PHF12: variants seen among roughly 807,000 people sequenced by gnomAD.
The protein encoded by PHF12 is PHD finger protein 12, also known as PHD factor 1.
PHF12 carries 6 observed loss-of-function variants against 99.8 expected under a neutral mutation model. The observed-to-expected ratio is 0.06, with a 90% CI of 0.03 to 0.12. The LOEUF (loss-of-function observed/expected upper bound fraction) is 0.12. PHF12 is among the 10% of genes least tolerant of loss of function. PHF12 has a pLI of 1.00. For synonymous variants in PHF12, 480 were observed against 514.9 expected (o/e 0.93, Z 0.92); for missense variants, 954 against 1,300.1 (o/e 0.73, Z 4.09).
Position 28,950,537 on chromosome 17 carries a change from G to A in PHF12, c.67-291C>T. On this transcript the variant is annotated intron_variant, in intron 1 of 14. Coordinates refer to ENST00000332830, the MANE Select transcript of PHF12 (RefSeq NM_001033561.2). This position sits in a 1 kb window ranked among gnomAD's most constrained non-coding sequence, Gnocchi z 5.7. ...CTTGCCACTTCCTTGTATGGACAGT[G>A]GGGGACTCCAAAGACCCGCTCGGGA... 1 of 537,650 alleles carries A rather than the reference G, an allele frequency of 1.9e-6. No individual in the cohort carries two copies. The highest frequency in any genetic ancestry group is 3.3e-6 in the Non-Finnish European group (1 of 303,124). The allele number at this position is 537,650 out of a possible 1,614,324, so 33.3% of individuals were successfully genotyped here. A position where few individuals can be genotyped will look rare whatever the true frequency, so the allele number is the denominator to read the frequency against.
intron 2 of PHF12, among the ~76,000 whole-genome samples, chr17:28,947,364 T>C (rs957462815): frequency 6.6e-6 from 1 of 152,020 alleles, no homozygotes; most frequent in African/African-American, 2.4e-5. Flanking sequence ...ATTGAGTTAA[T>C]AAAATACTTC....
In PHF12 at chr17:28,951,123, C is replaced by G; in HGVS notation, c.-163G>C. The G allele has an allele frequency of 1.4e-6, 2 of 1,442,776 alleles. No individual in the cohort carries two copies. The highest frequency in any genetic ancestry group is 1.8e-6 in the Non-Finnish European group (2 of 1,100,078). The allele number at this position is 1,442,776 out of a possible 1,614,324, so 89.4% of individuals were successfully genotyped here. ...TCCCCCCCACCCCCCGGCCCCCAGT[C>G]CCCGGGACGACAGCGTCCTCCCGAC... On this transcript the variant is annotated 5_prime_UTR_variant, in exon 1 of 15. Transcript: ENST00000332830.
In PHF12 at chr17:28,949,146, T is replaced by C. The variant is rs944923253; in HGVS notation, c.248+919A>G. Among the ~76,000 whole-genome samples the C allele has an allele frequency of 2.0e-5, 3 of 152,122 alleles. No individual in the cohort carries two copies. Among genetic ancestry groups the C allele is most frequent in the African/African-American group, 2.4e-5 (1 of 41,438 alleles). Reference sequence around the variant, plus strand: ...TTTCCAGCTCTCAGCTCCTTAAAAATGCCTTTCTAGTGCCACCGCACACAA... The same window carrying C: ...TTTCCAGCTCTCAGCTCCTTAAAAACGCCTTTCTAGTGCCACCGCACACAA... On this transcript the variant is annotated intron_variant, in intron 2 of 14. Coordinates refer to ENST00000332830, the MANE Select transcript of PHF12 (RefSeq NM_001033561.2). The surrounding 1 kb of genome is among the most constrained non-coding windows in gnomAD (Gnocchi z 4.6).
chr17:28,941,492 A>T (rs181118466), intron 2 of PHF12, among the ~76,000 whole-genome samples: 1 of 152,224 alleles, frequency 6.6e-6, no homozygotes, highest in East Asian at 1.9e-4. Context: ...ATACAAATAC[A>T]CAGGTGAGTT....
rs2040776198 is a variant in PHF12 at position 28,949,736 on chromosome 17, GC to G, written c.248+328del. ...CGCGCGGGCAGGCAAGCGGCACTGG[GC>G]CCGGAGCTCCTCCCCTTCCTCCCCC... is the stretch of plus-strand genomic sequence containing the variant. On this transcript the variant is annotated intron_variant, in intron 2 of 14. Coordinates refer to ENST00000332830, the MANE Select transcript of PHF12 (RefSeq NM_001033561.2). The surrounding 1 kb of genome is among the most constrained non-coding windows in gnomAD (Gnocchi z 4.6). 4.5e-6 allele frequency: 1 copy of G among 222,018 alleles called. No homozygotes were observed. The highest frequency in any genetic ancestry group is 8.9e-6 in the Non-Finnish European group (1 of 112,764). 13.8% of individuals were successfully genotyped at this position (222,018 alleles called of 1,614,324 possible).
At position 28,949,993 on chromosome 17, in the gene PHF12, G is replaced by C. The variant is rs1025600256; in HGVS notation, c.248+72C>G. 4 of 1,447,690 alleles carry C rather than the reference G, an allele frequency of 2.8e-6. No homozygotes were observed. Among genetic ancestry groups the C allele is most frequent in the Non-Finnish European group, 3.7e-6 (4 of 1,086,604 alleles). The allele number at this position is 1,447,690 out of a possible 1,614,324, so 89.7% of individuals were successfully genotyped here. On this transcript the variant is annotated intron_variant, in intron 2 of 14. Transcript: ENST00000332830. The surrounding 1 kb of genome is among the most constrained non-coding windows in gnomAD (Gnocchi z 4.6). ...CAAGCGCCCGTTATTTCGGCAGTCA[G>C]GGGCAGGCCGGGTGAAGGAATGCGC...
intron 11 of PHF12, chr17:28,909,827 G>T: frequency 1.8e-6 from 1 of 544,746 alleles, no homozygotes; most frequent in South Asian, 2.2e-5. Context: ...CTGGGCTCAA[G>T]TGATCCTCCC....
Position 28,906,505 on chromosome 17 carries a change from T to C in PHF12, c.2693A>G (p.His898Arg). Reference sequence around the variant, plus strand: ...ACTTGGCTCTTCGTCCTGTTTCTGGTGCCGGCGGCGCCCTGGGAAAAAGGG... The same window carrying C: ...ACTTGGCTCTTCGTCCTGTTTCTGGCGCCGGCGGCGCCCTGGGAAAAAGGG... ...KVQSVIRRRR[H>R]QKQDEEPSEE... Residue 898 changes from histidine to arginine, a missense_variant, in exon 15 of 15, where the codon CAC (histidine) becomes CGC (arginine). Coordinates refer to ENST00000332830, the MANE Select transcript of PHF12 (RefSeq NM_001033561.2). This position sits in a 1 kb window ranked among gnomAD's most constrained non-coding sequence, Gnocchi z 4.2. 1.2e-6 allele frequency: 2 copies of C among 1,601,012 alleles called. No homozygotes were observed. The highest frequency in any genetic ancestry group is 1.7e-6 in the Non-Finnish European group (2 of 1,170,204).
intron 3 of PHF12, chr17:28,926,574 C>T (rs573182122): frequency 1.9e-4 from 67 of 353,958 alleles, no homozygotes; most frequent in African/African-American, 1.2e-3. Flanking sequence ...GGTACAAATG[C>T]GTTCAAAATC....
At chr17:28,942,661 C>A (rs2057260406) in intron 2 of PHF12, among the ~76,000 whole-genome samples, 1 of 151,520 alleles carries the variant, frequency 6.6e-6, no homozygotes, top group African/African-American at 2.4e-5. Context: ...ACAAAAAATA[C>A]AAAAATTAGC....
intron 2 of PHF12, chr17:28,944,802 G>A (rs1198504431): frequency 1.3e-5 from 2 of 152,222 alleles, no homozygotes; most frequent in Non-Finnish European, 2.9e-5. Context: ...CGGGCGAGGG[G>A]AAGGAATCTA....
Position 28,906,011 on chromosome 17 carries a change from A to G in PHF12, c.*172T>C. 1 of 699,816 alleles carries G rather than the reference A, an allele frequency of 1.4e-6. No homozygotes were observed. Among genetic ancestry groups the G allele is most frequent in the Non-Finnish European group, 2.2e-6 (1 of 448,810 alleles). 43.4% of individuals were successfully genotyped at this position (699,816 alleles called of 1,614,324 possible). On this transcript the variant is annotated 3_prime_UTR_variant, in exon 15 of 15. Transcript: ENST00000332830. The surrounding 1 kb of genome is among the most constrained non-coding windows in gnomAD (Gnocchi z 4.2). Reference sequence around the variant, plus strand: ...CAAATGCCCCCTAGAACTTGAGAAAAGAAAAAGGATTTTTAAAAAACAGTC... The same window carrying G: ...CAAATGCCCCCTAGAACTTGAGAAAGGAAAAAGGATTTTTAAAAAACAGTC...
chr17:28,917,508 T>C, intron 6 of PHF12, 59 bp from the exon 7 acceptor site: 1 of 1,526,200 alleles, frequency 6.6e-7, no homozygotes, highest in South Asian at 1.3e-5. Context: ...CCTATCCCAG[T>C]TAACCCCATT....
rs1186036558 is a variant in PHF12 at position 28,937,522 on chromosome 17, T to C, written c.249-10459A>G. 3.9e-5 allele frequency among the ~76,000 whole-genome samples: 6 copies of C among 152,320 alleles called. No homozygotes were observed. The East Asian group carries it at 7.7e-4, about 20-fold the overall frequency. On this transcript the variant is annotated intron_variant, in intron 2 of 14. Transcript: ENST00000332830. ...GTGCCAGAACATTACAAATGCCCCATTGAGAAACTTAGCTAGTTGCGTCAC... is the reference window on the plus strand; with the variant it reads ...GTGCCAGAACATTACAAATGCCCCACTGAGAAACTTAGCTAGTTGCGTCAC...
chr17:28,917,317 C>G lies in PHF12; in HGVS notation c.1102G>C (p.Val368Leu), dbSNP rs750953525. ...CTTCTTCTTTTGACCGACTGGAGCA[C>G]ACGCCGGTTAGGGGGGTGCTTCTTG... Reference protein sequence around the residue: ...IHKKHPPNRRVLQSVKRRSLK... With the variant: ...IHKKHPPNRRLLQSVKRRSLK... Residue 368 changes from valine (V) to leucine (L), a missense_variant, in exon 7 of 15, where the codon GTG (valine) becomes CTG (leucine). By Grantham distance (32) the Val-to-Leu change is conservative. Transcript: ENST00000332830. 2.5e-6 allele frequency: 4 copies of G among 1,613,938 alleles called. No homozygotes were observed. The African/African-American group carries it at 5.3e-5, about 22-fold the overall frequency.
At chr17:28,927,480 C>T (rs2040303116) in intron 2 of PHF12, among the ~76,000 whole-genome samples, 1 of 152,208 alleles carries the variant, frequency 6.6e-6, no homozygotes, top group Non-Finnish European at 1.5e-5. Flanking sequence ...CCTATTTCTT[C>T]CTCTAGAATA....
chr17:28,950,207 C>T lies in PHF12; in HGVS notation c.106G>A (p.Ala36Thr), dbSNP rs2040784075. ...ALLAPPKTDEAEKRSRKPEKE... is the reference protein window; with the variant it reads ...ALLAPPKTDETEKRSRKPEKE... Reference sequence around the variant, plus strand: ...TCAGGCTTCCGACTGCGCTTTTCTGCCTCGTCCGTCTTGGGGGGAGCCAGC... The same window carrying T: ...TCAGGCTTCCGACTGCGCTTTTCTGTCTCGTCCGTCTTGGGGGGAGCCAGC... Residue 36 changes from alanine (A) to threonine (T), a missense_variant, in exon 2 of 15, where the codon GCA becomes ACA. Ala to Thr is a moderately conservative substitution (Grantham distance 58). Around this residue, in one of 8 missense-constraint regions of PHF12, gnomAD observed 66 missense variants for 69.4 expected, o/e 0.95. Transcript: ENST00000332830. This position sits in a 1 kb window ranked among gnomAD's most constrained non-coding sequence, Gnocchi z 5.7. 3 of 1,612,714 alleles carry T rather than the reference C, an allele frequency of 1.9e-6. No individual in the cohort carries two copies. Among genetic ancestry groups the T allele is most frequent in the Non-Finnish European group, 2.5e-6 (3 of 1,180,002 alleles).
intron 10 of PHF12, chr17:28,910,660 C>T: frequency 2.1e-6 from 1 of 478,114 alleles, no homozygotes; most frequent in Non-Finnish European, 3.7e-6. Flanking sequence ...ACTTGCCTGT[C>T]TGTGGGGGAG....
intron 7 of PHF12, among the ~76,000 whole-genome samples, chr17:28,916,622 G>A (rs1165536647): frequency 2.0e-5 from 3 of 152,224 alleles, no homozygotes; most frequent in African/African-American, 7.2e-5. Flanking sequence ...TGGGTATATA[G>A]TGTTGGACCC....
Sources: gnomAD v4.1 joint callset for allele counts (sites outside exome capture counted in the v4.1 genomes callset) on GRCh38, gnomAD v4.1.1 for gene constraint, gnomAD v4.1.1 regional missense constraint, Gnocchi (gnomAD v3.1) non-coding constraint, MANE v1.5 for transcripts, NCBI Gene and HGNC (gene_info 2026-07-23, HGNC 2026-07-21) for gene names.